The following FRAS1 variants were observed in gnomAD, a reference collection of about 807,000 sequenced individuals.
FRAS1 encodes the protein Fraser extracellular matrix complex subunit 1.
In FRAS1, 290 loss-of-function variants were observed where a neutral mutation model predicts 435.2. The observed-to-expected ratio is 0.67, with a 90% confidence interval of 0.61 to 0.73. The LOEUF is 0.73. FRAS1 is among the 30% of genes least tolerant of loss of function. The pLI, the probability that FRAS1 is intolerant of heterozygous loss-of-function variation, is 0.00. For synonymous variants in FRAS1, 1,800 were observed against 1,851.0 expected, an observed-to-expected ratio of 0.97 and a Z score of 0.71; for missense variants, 4,860 against 5,001.5, an observed-to-expected ratio of 0.97 and a Z score of 0.85.
At chr4:78,097,398 C>G (rs1741864074) in intron 2 of FRAS1, among the ~76,000 whole-genome samples, 1 of 152,188 alleles carries the variant, frequency 6.6e-6, no homozygotes, top group African/African-American at 2.4e-5. Flanking sequence ...AGTATCTTTT[C>G]AGCCCACTCT....
intron 15 of FRAS1, among the ~76,000 whole-genome samples, chr4:78,310,898 A>G (rs1279323644): frequency 1.3e-5 from 2 of 152,242 alleles, no homozygotes; most frequent in Non-Finnish European, 2.9e-5. Context: ...GAAATCTCAA[A>G]GTCAAGTACT....
chr4:78,409,515 G>A (rs2110355742), intron 31 of FRAS1, among the ~76,000 whole-genome samples: 1 of 152,300 alleles, frequency 6.6e-6, no homozygotes, highest in South Asian at 2.1e-4. Flanking sequence ...GGAATTAGTA[G>A]AGATAAGCAG....
chr4:78,497,916 T>A (rs1720552389), intron 60 of FRAS1, among the ~76,000 whole-genome samples: 1 of 152,102 alleles, frequency 6.6e-6, no homozygotes, highest in Non-Finnish European at 1.5e-5. Flanking sequence ...AGTGAACCTC[T>A]CCCAGGTACA....
intron 14 of FRAS1, among the ~76,000 whole-genome samples, chr4:78,299,430 T>G (rs1400249731): frequency 6.6e-6 from 1 of 152,192 alleles, no homozygotes; most frequent in Non-Finnish European, 1.5e-5. Flanking sequence ...GAGCATGGTG[T>G]CGGGTGGAGA....
chr4:78,387,345 A>G, intron 28 of FRAS1, 30 bp from the exon 29 acceptor site: 3 of 1,527,944 alleles, frequency 2.0e-6, no homozygotes, highest in Non-Finnish European at 2.7e-6. Flanking sequence ...TTTCCCTCTT[A>G]ACTGACTCTT....
intron 42 of FRAS1, 72 bp downstream of exon 42, chr4:78,445,784 A>G (rs1287366512): frequency 6.6e-7 from 1 of 1,515,388 alleles, no homozygotes; most frequent in South Asian, 1.4e-5. Flanking sequence ...AGCTTTCTTT[A>G]TAGGGACTCA....
At chr4:78,507,321 A>G (rs1720873984) in intron 61 of FRAS1, 100 bp from the exon 62 acceptor site, 1 of 1,020,510 alleles carries the variant, frequency 9.8e-7, no homozygotes, top group African/African-American at 1.6e-5. Flanking sequence ...AAAAGAAAGA[A>G]CATATTTTAA....
chr4:78,215,037 G>A (rs901337351), intron 2 of FRAS1, among the ~76,000 whole-genome samples: 6 of 152,156 alleles, frequency 3.9e-5, no homozygotes, highest in African/African-American at 1.4e-4. Flanking sequence ...TGGATGCTAA[G>A]TGTCAAGATG....
chr4:78,497,710 G>T (rs902170053), intron 60 of FRAS1, among the ~76,000 whole-genome samples: 4 of 152,194 alleles, frequency 2.6e-5, no homozygotes, highest in Admixed American at 2.0e-4. Flanking sequence ...TAGTTATACA[G>T]CTGTAAACAG....
chr4:78,282,781 C>T (rs1261068133), intron 11 of FRAS1, 39 bp from the exon 12 acceptor site: 5 of 1,607,620 alleles, frequency 3.1e-6, no homozygotes, highest in African/African-American at 1.3e-5. Flanking sequence ...TGAATTACTG[C>T]ATCCTGATGA....
Position 78,375,720 on chromosome 4 carries a change from G to C in FRAS1, c.3152-19G>C, listed in dbSNP as rs1731732165. 1 of 1,551,752 alleles carries C rather than the reference G, an allele frequency of 6.4e-7. No individual in the cohort carries two copies. The highest frequency in any genetic ancestry group is 8.7e-7 in the Non-Finnish European group (1 of 1,150,536). On this transcript the variant is annotated intron_variant, in intron 25 of 73. Transcript: ENST00000512123. ...TGTTGCCTTGATTGAGCCTCATTTAGTGTTTCCTTTTTTAATAGCCTGCCC... is the reference window on the plus strand; with the variant it reads ...TGTTGCCTTGATTGAGCCTCATTTACTGTTTCCTTTTTTAATAGCCTGCCC...
intron 4 of FRAS1, among the ~76,000 whole-genome samples, chr4:78,248,162 A>G (rs2110127632): frequency 6.6e-6 from 1 of 152,310 alleles, no homozygotes; most frequent in South Asian, 2.1e-4. Flanking sequence ...GGCTGACTCC[A>G]GGTTATTTGA....
At chr4:78,250,504 T>A (rs1335451737) in intron 4 of FRAS1, among the ~76,000 whole-genome samples, 1 of 152,190 alleles carries the variant, frequency 6.6e-6, no homozygotes, top group Non-Finnish European at 1.5e-5. Context: ...AAGCCTTTTG[T>A]GTGTCATTAA....
At chr4:78,102,362 G>A (rs570701876) in intron 2 of FRAS1, among the ~76,000 whole-genome samples, 10 of 152,258 alleles carry the variant, frequency 6.6e-5, no homozygotes, top group South Asian at 2.1e-4. Flanking sequence ...GGTTGTAACC[G>A]GAGAGCACTA....
chr4:78,516,026 G>A lies in FRAS1; in HGVS notation c.10389+13G>A, dbSNP rs1560421972. 6.2e-7 allele frequency: 1 copy of A among 1,604,104 alleles called. No homozygotes were observed. The highest frequency in any genetic ancestry group is 8.5e-7 in the Non-Finnish European group (1 of 1,173,828). ...CGCTGACTTCCAGGTAGGTGCCCCG[G>A]GGCTTGTCTGAGGACTCTGCATATG... On this transcript the variant is annotated intron_variant, in intron 66 of 73. Coordinates refer to ENST00000512123, the MANE Select transcript of FRAS1 (RefSeq NM_025074.7).
chr4:78,345,164 G>A (rs952535916), intron 20 of FRAS1, among the ~76,000 whole-genome samples: 1 of 152,150 alleles, frequency 6.6e-6, no homozygotes, highest in Admixed American at 6.5e-5. Context: ...TGTGTTTCAT[G>A]TCATTATTAA....
intron 2 of FRAS1, among the ~76,000 whole-genome samples, chr4:78,195,794 C>G (rs1722784835): frequency 6.6e-6 from 1 of 152,152 alleles, no homozygotes; most frequent in South Asian, 2.1e-4. Flanking sequence ...CACCCACTTT[C>G]TGACACTCCC....
chr4:78,338,675 C>T (rs1023744352), intron 20 of FRAS1, among the ~76,000 whole-genome samples: 1 of 152,166 alleles, frequency 6.6e-6, no homozygotes, highest in African/African-American at 2.4e-5. Flanking sequence ...GAGAGGTTGA[C>T]CAGGCTGTCA....
intron 2 of FRAS1, among the ~76,000 whole-genome samples, chr4:78,108,964 C>T (rs1483278464): frequency 1.1e-5 from 1 of 87,574 alleles, no homozygotes; most frequent in East Asian, 2.7e-4. Flanking sequence ...GAGAATACTA[C>T]AAACACCTCT....
Sources: gnomAD v4.1 joint callset for allele counts (sites outside exome capture counted in the v4.1 genomes callset) on GRCh38, gnomAD v4.1.1 for gene constraint, MANE v1.5 for transcripts, NCBI Gene and HGNC (gene_info 2026-07-23, HGNC 2026-07-21) for gene names.